Variants in DCDC2 observed in about 807,000 individuals in gnomAD.
DCDC2 encodes the protein doublecortin domain containing 2, also known as doublecortin domain-containing protein 2.
In DCDC2, 40 loss-of-function variants were observed where a neutral mutation model predicts 50.2. The observed-to-expected ratio is 0.80, with a 90% confidence interval of 0.62 to 1.04. The LOEUF (loss-of-function observed/expected upper bound fraction) is 1.04, where lower values mean the gene tolerates loss of function less well. Among genes scored for constraint, DCDC2 ranks in the 50% least tolerant of loss-of-function variants. DCDC2 has a pLI of 0.00. For synonymous variants in DCDC2, 234 were observed against 210.6 expected, an observed-to-expected ratio of 1.11 and a Z score of -0.96; for missense variants, 570 against 581.9, an observed-to-expected ratio of 0.98 and a Z score of 0.21.
At chr6:24,357,239 G>A (rs931185056) in intron 1 of DCDC2, 1 of 477,330 alleles carries the variant, frequency 2.1e-6, no homozygotes, top group African/African-American at 1.9e-5. Context: ...CAGATTTTAA[G>A]TTTACTCCTA....
chr6:24,358,936 T>TATATATTTTATATATTATATA (rs1561788593), upstream of DCDC2, among the ~76,000 whole-genome samples: 2 of 16,994 alleles, frequency 1.2e-4, no homozygotes, highest in African/African-American at 4.8e-4. Flanking sequence ...TATTATATAT[T>TATATATTTTATATATTATATA]TTATATATTA....
In DCDC2 at chr6:24,326,653, T is replaced by C. The variant is rs961389284; in HGVS notation, c.349-24609A>G. 8.7e-5 allele frequency among the ~76,000 whole-genome samples: 13 copies of C among 148,694 alleles called. 2 individuals are homozygous for C. In the East Asian group the frequency reaches 2.5e-3, roughly 29 times the overall value. On this transcript the variant is annotated intron_variant, in intron 2 of 9. Coordinates refer to ENST00000378454, the MANE Select transcript of DCDC2 (RefSeq NM_016356.5). ...ATGTGGGTCGCTTAAGTCCAAGAGTTCAAGACCAGCCTGGGCAACAATGGC... is the reference window on the plus strand; with the variant it reads ...ATGTGGGTCGCTTAAGTCCAAGAGTCCAAGACCAGCCTGGGCAACAATGGC...
chr6:24,183,960 G>A (rs571543067), intron 8 of DCDC2, among the ~76,000 whole-genome samples: 56 of 152,310 alleles, frequency 3.7e-4, no homozygotes, highest in African/African-American at 1.3e-3. Flanking sequence ...AAATGGAAGT[G>A]CAAAGGCTGA....
chr6:24,370,370 G>A, the DCDC2 span, among the ~76,000 whole-genome samples: 1 of 152,314 alleles, frequency 6.6e-6, no homozygotes, highest in Non-Finnish European at 1.5e-5. Flanking sequence ...CATATACCCA[G>A]CTATTCCATT....
chr6:24,250,320 AAGC>A (rs1762771259), intron 7 of DCDC2, among the ~76,000 whole-genome samples: 1 of 152,188 alleles, frequency 6.6e-6, no homozygotes, highest in African/African-American at 2.4e-5. Context: ...GGCCAAAAAT[AAGC>A]AGAAGGTGGC....
At chr6:24,329,468 T>A (rs1030187605) in intron 2 of DCDC2, among the ~76,000 whole-genome samples, 3 of 152,136 alleles carry the variant, frequency 2.0e-5, no homozygotes, top group Admixed American at 6.6e-5. Context: ...CAACTCCTCA[T>A]TTTCACCCTG....
intron 4 of DCDC2, among the ~76,000 whole-genome samples, chr6:24,301,358 A>G (rs376074811): frequency 0.025 from 3,313 of 130,104 alleles, 76 homozygotes; most frequent in African/African-American, 0.06. Context: ...GCGACAGAGC[A>G]AGGCTCCATC....
chr6:24,179,641 T>C (rs1024689776), intron 8 of DCDC2, among the ~76,000 whole-genome samples: 2 of 148,724 alleles, frequency 1.3e-5, no homozygotes, highest in African/African-American at 2.5e-5. Flanking sequence ...GTTATTTTGA[T>C]ACACATAAAT....
At chr6:24,381,857 A>AGGAAGGAAGGAAG in the DCDC2 span, among the ~76,000 whole-genome samples, 1 of 137,604 alleles carries the variant, frequency 7.3e-6, no homozygotes, top group East Asian at 2.0e-4. Context: ...GAAGGAAGGA[A>AGGAAGGAAGGAAG]GGAGAAATAA....
the DCDC2 span, among the ~76,000 whole-genome samples, chr6:24,369,680 A>G: frequency 6.6e-6 from 1 of 152,192 alleles, no homozygotes; most frequent in Non-Finnish European, 1.5e-5. Flanking sequence ...AAAGAAAAAG[A>G]GTATTCATCT....
rs556080309 is a variant in DCDC2 at position 24,320,431 on chromosome 6, G to A, written c.349-18387C>T. ...ACTGCAACCTCTGCCTCCCAGGTTC[G>A]AGCAATTCTACTGCCTCAGCTTCCC... is the stretch of plus-strand genomic sequence containing the variant. On this transcript the variant is annotated intron_variant, in intron 2 of 9. Coordinates refer to ENST00000378454, the MANE Select transcript of DCDC2 (RefSeq NM_016356.5). Among the ~76,000 whole-genome samples the A allele has an allele frequency of 9.2e-5, 14 of 152,144 alleles. No homozygotes were observed. The South Asian group carries it at 1.9e-3, about 20-fold the overall frequency.
intron 8 of DCDC2, among the ~76,000 whole-genome samples, chr6:24,183,193 A>G (rs1038339642): frequency 6.6e-6 from 1 of 152,190 alleles, no homozygotes; most frequent in Non-Finnish European, 1.5e-5. Flanking sequence ...TGCAAGACGA[A>G]AAGAGGTTTG....
At chr6:24,332,953 T>A (rs1356615277) in intron 2 of DCDC2, among the ~76,000 whole-genome samples, 1 of 152,088 alleles carries the variant, frequency 6.6e-6, no homozygotes, top group African/African-American at 2.4e-5. Flanking sequence ...AAAGGTAAAA[T>A]TCAGCTGTAG....
At chr6:24,351,753 G>T (rs142930146) in intron 2 of DCDC2, among the ~76,000 whole-genome samples, 1 of 152,310 alleles carries the variant, frequency 6.6e-6, no homozygotes, top group African/African-American at 2.4e-5. Context: ...CCCCAGAGTG[G>T]AAGAACAATA....
At chr6:24,199,899 G>A (rs1761546563) in intron 8 of DCDC2, among the ~76,000 whole-genome samples, 1 of 152,120 alleles carries the variant, frequency 6.6e-6, no homozygotes, top group Admixed American at 6.5e-5. Context: ...TGATCAAGTG[G>A]AAGAAAGGAT....
intron 7 of DCDC2, among the ~76,000 whole-genome samples, chr6:24,219,702 C>T (rs569224118): frequency 1.7e-4 from 26 of 152,210 alleles, no homozygotes; most frequent in Admixed American, 5.9e-4. Context: ...TCCACTATCA[C>T]CAACCACGTT....
At chr6:24,216,443 A>C (rs771869430) in intron 7 of DCDC2, among the ~76,000 whole-genome samples, 104 of 152,336 alleles carry the variant, frequency 6.8e-4, no homozygotes, top group Non-Finnish European at 1.2e-3. Context: ...CTGGTCACCT[A>C]AGTAACAGTA....
Position 24,220,870 on chromosome 6 carries a change from A to AGAGAGACAGAGAGCGAGAGCGAGAGAGAC in DCDC2, c.923-15769_923-15768insGTCTCTCTCGCTCTCGCTCTCTGTCTCTC, listed in dbSNP as rs1554146303. 6.1e-4 allele frequency among the ~76,000 whole-genome samples: 77 copies of AGAGAGACAGAGAGCGAGAGCGAGAGAGAC among 127,156 alleles called. 2 individuals carry two copies. The highest frequency in any genetic ancestry group is 8.7e-4 in the Non-Finnish European group (55 of 63,030). The allele number at this position is 127,156 out of a possible 152,430, so 83.4% of individuals were successfully genotyped here. On this transcript the variant is annotated intron_variant, in intron 7 of 9. Transcript: ENST00000378454. ...TGGCGGCAGGAGAGAGACAGAGAGC[A>AGAGAGACAGAGAGCGAGAGCGAGAGAGAC]AGAGAGCGAGAGCGAGAGAGTGAGC... is the stretch of plus-strand genomic sequence containing the variant.
chr6:24,246,473 CTTTTTCTTTTTTTTT>C (rs1402974194), intron 7 of DCDC2, among the ~76,000 whole-genome samples: 2 of 62,230 alleles, frequency 3.2e-5, no homozygotes, highest in African/African-American at 1.0e-4. Flanking sequence ...AAGTCTTTTT[CTTTTTCTTTTTTTTT>C]TTTTTTTTTT....
Sources: allele counts gnomAD v4.1 joint callset (sites outside exome capture counted in the v4.1 genomes callset), GRCh38; gene constraint gnomAD v4.1.1; transcripts MANE v1.5; gene names NCBI Gene and HGNC (gene_info 2026-07-23, HGNC 2026-07-21).